CNTNAP4: variants seen among roughly 807,000 people sequenced by gnomAD.
CNTNAP4 encodes contactin associated protein family member 4.
Under a neutral mutation model 148.4 loss-of-function variants are expected in CNTNAP4, and 98 were observed. That is an observed-to-expected ratio of 0.66 (90% confidence interval 0.56 to 0.78). The LOEUF (loss-of-function observed/expected upper bound fraction) is 0.78. CNTNAP4 is among the 30% of genes least tolerant of loss of function. The probability of loss-of-function intolerance (pLI) is 0.00; values close to 1 mark genes in which losing one functional copy is unlikely to be tolerated. For missense variants in CNTNAP4, 1,935 were observed against 1,565.6 expected (o/e 1.24, Z -3.98); for synonymous variants, 730 against 565.1 (o/e 1.29, Z -4.14).
intron 2 of CNTNAP4, among the ~76,000 whole-genome samples, chr16:76,348,614 A>T (rs1051191411): frequency 6.6e-6 from 1 of 152,168 alleles, no homozygotes; most frequent in Admixed American, 6.5e-5. Flanking sequence ...AGCAAAGTCT[A>T]TTTGGGCATT....
chr16:76,471,000 T>A (rs2081350086), intron 10 of CNTNAP4, among the ~76,000 whole-genome samples: 1 of 151,034 alleles, frequency 6.6e-6, no homozygotes, highest in South Asian at 2.1e-4. Context: ...TCATGCACAC[T>A]CACACACAAC....
intron 8 of CNTNAP4, among the ~76,000 whole-genome samples, chr16:76,453,741 C>A (rs535387459): frequency 6.6e-6 from 1 of 152,138 alleles, no homozygotes; most frequent in South Asian, 2.1e-4. Context: ...AATGGATATA[C>A]AAATGCCTAT....
intron 14 of CNTNAP4, 103 bp from the exon 15 acceptor site, chr16:76,498,464 A>G (rs1320688555): frequency 3.7e-6 from 3 of 816,822 alleles, no homozygotes; most frequent in Admixed American, 2.6e-5. Flanking sequence ...CTGGATCCAT[A>G]CTCTTTTGTA....
At chr16:76,461,773 A>C (rs1043259260) in intron 8 of CNTNAP4, among the ~76,000 whole-genome samples, 183 bp from the exon 9 acceptor site, 33 of 152,198 alleles carry the variant, frequency 2.2e-4, no homozygotes, top group Admixed American at 5.2e-4. Flanking sequence ...GGAATGCCCC[A>C]TTTTCCACAT....
At chr16:76,377,044 A>C (rs2015491200) in intron 3 of CNTNAP4, among the ~76,000 whole-genome samples, 1 of 151,982 alleles carries the variant, frequency 6.6e-6, no homozygotes, top group Non-Finnish European at 1.5e-5. Context: ...TGGCAAGTCC[A>C]AAATCTGCAG....
At chr16:76,551,796 T>A (rs1210611432) in intron 21 of CNTNAP4, among the ~76,000 whole-genome samples, 1 of 152,242 alleles carries the variant, frequency 6.6e-6, no homozygotes, top group Admixed American at 6.5e-5. Flanking sequence ...TTGTTTTTAC[T>A]TTTAATTTAA....
rs140063927 is a variant in CNTNAP4, at chr16:76,414,709, G to T, written c.391-12743G>T. Among the ~76,000 whole-genome samples, 4 of 151,456 alleles carry T rather than the reference G, an allele frequency of 2.6e-5. No individual in the cohort carries two copies. The East Asian group carries it at 7.7e-4, about 29-fold the overall frequency. On this transcript the variant is annotated intron_variant, in intron 3 of 23. Coordinates refer to ENST00000611870, the MANE Select transcript of CNTNAP4 (RefSeq NM_033401.5). The stretch of plus-strand genomic sequence containing the variant: ...TATGCATGTAATCTAACAGATGTGG[G>T]CAGTTCAGGTTTTCCTGTTCTCATC...
At chr16:76,538,427 C>T (rs2084313548) in intron 19 of CNTNAP4, 87 bp downstream of exon 19, 1 of 1,032,422 alleles carries the variant, frequency 9.7e-7, no homozygotes, top group South Asian at 1.5e-5. Context: ...TCTGGCTTCT[C>T]AAGCTACAAA....
chr16:76,345,524 C>T (rs78786642), intron 2 of CNTNAP4, among the ~76,000 whole-genome samples: 18,142 of 152,080 alleles, frequency 0.12, 1,479 homozygotes, highest in East Asian at 0.33. Flanking sequence ...TCCGTTGAAG[C>T]GCTGGGCTGA....
chr16:76,392,752 C>G (rs7198670), intron 3 of CNTNAP4, among the ~76,000 whole-genome samples: 22,659 of 152,072 alleles, frequency 0.15, 2,348 homozygotes, highest in East Asian at 0.45. Context: ...AACAAAGGGA[C>G]ATGGAATTTG....
At chr16:76,546,788 A>T (rs1456389904) in intron 21 of CNTNAP4, among the ~76,000 whole-genome samples, 1 of 152,218 alleles carries the variant, frequency 6.6e-6, no homozygotes, top group Non-Finnish European at 1.5e-5. Flanking sequence ...GACTAATCAG[A>T]ATCAGAGCAG....
intron 1 of CNTNAP4, among the ~76,000 whole-genome samples, chr16:76,303,482 A>G (rs191301597): frequency 5.3e-4 from 81 of 152,250 alleles, no homozygotes; most frequent in African/African-American, 1.6e-3. Flanking sequence ...AGTCAAAACC[A>G]TGGCAATTTC....
Position 76,452,426 on chromosome 16 carries a change from G to T in CNTNAP4, c.1072-82G>T, listed in dbSNP as rs2080532458. 6.4e-6 allele frequency: 9 copies of T among 1,405,584 alleles called. No individual in the cohort carries two copies. The South Asian group carries it at 1.1e-4, about 17-fold the overall frequency. 87.1% of individuals were successfully genotyped at this position (1,405,584 alleles called of 1,614,324 possible). A position where few individuals can be genotyped will look rare whatever the true frequency, so the allele number is the denominator to read the frequency against. On this transcript the variant is annotated intron_variant, in intron 7 of 23. Transcript: ENST00000611870. The stretch of plus-strand genomic sequence containing the variant: ...TTGTTTTAAATCGCGGATAATGTGA[G>T]ATTGAAAAGCAGCCTTCAAATTCTG...
At chr16:76,395,289 G>A (rs1424722654) in intron 3 of CNTNAP4, among the ~76,000 whole-genome samples, 5 of 141,862 alleles carry the variant, frequency 3.5e-5, no homozygotes, top group Non-Finnish European at 7.6e-5. Context: ...TTTTTGAGAT[G>A]CAGTCTCTGT....
chr16:76,520,354 T>A (rs960367692), intron 15 of CNTNAP4, among the ~76,000 whole-genome samples: 1 of 152,198 alleles, frequency 6.6e-6, no homozygotes, highest in Admixed American at 6.5e-5. Context: ...AGTGAGAAAT[T>A]AAAGATAAGT....
intron 3 of CNTNAP4, among the ~76,000 whole-genome samples, chr16:76,399,611 A>G (rs958731551): frequency 6.6e-6 from 1 of 152,182 alleles, no homozygotes; most frequent in Non-Finnish European, 1.5e-5. Flanking sequence ...AAGGAAAGAG[A>G]CTAATAGTAG....
In CNTNAP4 at chr16:76,398,681, C is replaced by T. The variant is rs551468625; in HGVS notation, c.391-28771C>T. 7.2e-5 allele frequency among the ~76,000 whole-genome samples: 11 copies of T among 152,262 alleles called. No homozygotes were observed. In the South Asian group the frequency reaches 1.5e-3, roughly 20 times the overall value. ...ACAGTGTACACTCCCACCATCAATA[C>T]GTGAGTTCCTATATCCCCACATTTG... On this transcript the variant is annotated intron_variant, in intron 3 of 23. Transcript: ENST00000611870.
intron 1 of CNTNAP4, among the ~76,000 whole-genome samples, chr16:76,278,515 T>C (rs1217170570): frequency 6.6e-6 from 1 of 152,230 alleles, no homozygotes; most frequent in Non-Finnish European, 1.5e-5. Context: ...ATATCATCCA[T>C]AATAATTTGG....
At chr16:76,377,759 G>C (rs993217381) in intron 3 of CNTNAP4, among the ~76,000 whole-genome samples, 1 of 152,022 alleles carries the variant, frequency 6.6e-6, no homozygotes, top group African/African-American at 2.4e-5. Context: ...ATTTTTACAA[G>C]GAAGAAATAA....
Sources: gnomAD v4.1 joint callset for allele counts (sites outside exome capture counted in the v4.1 genomes callset) on GRCh38, gnomAD v4.1.1 for gene constraint, MANE v1.5 for transcripts, NCBI Gene and HGNC (gene_info 2026-07-23, HGNC 2026-07-21) for gene names.